TEAD4: variants seen among roughly 807,000 people sequenced by gnomAD.
TEAD4 encodes transcriptional enhancer factor TEF-3.
A neutral mutation model predicts 52.4 loss-of-function variants in TEAD4; 36 were observed. The ratio of observed to expected loss-of-function variants is 0.69; its 90% CI spans 0.53 to 0.91. The LOEUF (loss-of-function observed/expected upper bound fraction) is 0.91, where lower values mean the gene tolerates loss of function less well. TEAD4 is among the 40% of genes least tolerant of loss of function. The pLI is 0.00. For synonymous variants in TEAD4, 220 were observed against 231.0 expected, an observed-to-expected ratio of 0.95 and a Z score of 0.43; for missense variants, 508 against 583.9, an observed-to-expected ratio of 0.87 and a Z score of 1.34.
intron 2 of TEAD4, among the ~76,000 whole-genome samples, chr12:2,966,851 C>CG (rs2098220800): frequency 6.6e-6 from 1 of 152,134 alleles, no homozygotes; most frequent in Admixed American, 6.5e-5. Flanking sequence ...GGATTACAGG[C>CG]ACCTGCCACC....
At chr12:3,040,290 A>T in intron 12 of TEAD4, 31 bp downstream of exon 12, 4 of 1,613,006 alleles carry the variant, frequency 2.5e-6, no homozygotes, top group Non-Finnish European at 2.5e-6. Context: ...GTGTGGCTGG[A>T]GTCTGTGTGT....
intron 3 of TEAD4, among the ~76,000 whole-genome samples, chr12:3,009,041 T>C (rs1230862805): frequency 6.6e-6 from 1 of 152,124 alleles, no homozygotes; most frequent in Non-Finnish European, 1.5e-5. Flanking sequence ...AGCCACAGAG[T>C]GTTCTCACTG....
At chr12:3,006,641 G>T (rs12296242) in intron 3 of TEAD4, among the ~76,000 whole-genome samples, 1 of 151,152 alleles carries the variant, frequency 6.6e-6, no homozygotes, top group African/African-American at 2.4e-5. Flanking sequence ...CCAAGATCGC[G>T]CCATTTCACT....
Position 3,040,365 on chromosome 12 carries a change from G to A in TEAD4, c.1192G>A (p.Val398Met). The A allele has an allele frequency of 6.2e-7, 1 of 1,614,200 alleles. No individual in the cohort carries two copies. Among genetic ancestry groups the A allele is most frequent in the Non-Finnish European group, 8.5e-7 (1 of 1,180,042 alleles). ...ACCCTTGTCTTTTTCTCTCCCACAG[G>A]TGGTCACCAACAGAGACACACAGGA... The change falls in exon 13 of 13, where the codon GTG becomes ATG. Residue 398 changes from valine (V) to methionine (M), a missense_variant and splice_region_variant. Physicochemically the swap from Val to Met is conservative, Grantham distance 21. Coordinates refer to ENST00000359864, the MANE Select transcript of TEAD4 (RefSeq NM_003213.4).
intron 2 of TEAD4, among the ~76,000 whole-genome samples, chr12:2,979,247 T>C (rs1214863080): frequency 6.6e-6 from 1 of 152,204 alleles, no homozygotes; most frequent in Admixed American, 6.5e-5. Flanking sequence ...TCATCCTCCA[T>C]TACCTGGATG....
chr12:2,962,816 A>C (rs1197485871), intron 2 of TEAD4, among the ~76,000 whole-genome samples: 2 of 152,188 alleles, frequency 1.3e-5, no homozygotes, highest in South Asian at 2.1e-4. Flanking sequence ...GAGGGACAGT[A>C]ACTTGCTTAA....
chr12:3,035,452 A>C (rs1170026887), intron 10 of TEAD4, among the ~76,000 whole-genome samples: 1 of 152,210 alleles, frequency 6.6e-6, no homozygotes, highest in Non-Finnish European at 1.5e-5. Flanking sequence ...TCCTGAGCAC[A>C]CAAACTGTCC....
chr12:3,034,191 A>C (rs1217495526), intron 10 of TEAD4, among the ~76,000 whole-genome samples: 17 of 146,668 alleles, frequency 1.2e-4, no homozygotes, highest in Non-Finnish European at 8.8e-5. Context: ...TGGGCACCTG[A>C]GCGATGGGAA....
In TEAD4 at chr12:3,034,142, C is replaced by T. The variant is rs373915272; in HGVS notation, c.898-3826C>T. ...GAAACAATGTCTCAACCTCTCTGGGCCCCCCTGCCTCTAGCACTGCTGGCC... is the reference window on the plus strand; with the variant it reads ...GAAACAATGTCTCAACCTCTCTGGGTCCCCCTGCCTCTAGCACTGCTGGCC... On this transcript the variant is annotated intron_variant, in intron 10 of 12. Coordinates refer to ENST00000359864, the MANE Select transcript of TEAD4 (RefSeq NM_003213.4). Among the ~76,000 whole-genome samples the T allele has an allele frequency of 7.3e-4, 108 of 147,564 alleles. 5 individuals carry two copies. Among genetic ancestry groups the T allele is most frequent in the African/African-American group, 2.8e-3 (105 of 37,166 alleles).
chr12:3,012,098 G>C, intron 4 of TEAD4, 72 bp from the exon 5 acceptor site: 1 of 1,526,622 alleles, frequency 6.6e-7, no homozygotes. Flanking sequence ...TGGAGGGCGA[G>C]AGTCAGGAAG....
chr12:2,962,163 C>A (rs1003278891), intron 2 of TEAD4, among the ~76,000 whole-genome samples: 1 of 149,198 alleles, frequency 6.7e-6, no homozygotes, highest in East Asian at 1.9e-4. Context: ...CTCGCTCTGT[C>A]GCCTAGGCAG....
intron 2 of TEAD4, among the ~76,000 whole-genome samples, chr12:2,986,217 C>G (rs2098238372): frequency 6.6e-6 from 1 of 152,220 alleles, no homozygotes; most frequent in Admixed American, 6.5e-5. Flanking sequence ...GCGTTTGGGG[C>G]AGTAACTCGC....
At position 2,973,175 on chromosome 12, in the gene TEAD4, G is replaced by A. The variant is rs532083812; in HGVS notation, c.-30+13135G>A. ...CAGCCTTGACCACCCAGGCTCAAGTGTCCCTCCCACCTCAGCCTCTTGAGT... is the reference window on the plus strand; with the variant it reads ...CAGCCTTGACCACCCAGGCTCAAGTATCCCTCCCACCTCAGCCTCTTGAGT... On this transcript the variant is annotated intron_variant, in intron 2 of 12. Transcript: ENST00000359864. Among the ~76,000 whole-genome samples, 4 of 152,284 alleles carry A rather than the reference G, an allele frequency of 2.6e-5. No homozygotes were observed. In the South Asian group the frequency reaches 8.3e-4, roughly 32 times the overall value.
At chr12:2,962,905 A>T (rs1362809298) in intron 2 of TEAD4, among the ~76,000 whole-genome samples, 1 of 152,034 alleles carries the variant, frequency 6.6e-6, no homozygotes, top group Non-Finnish European at 1.5e-5. Context: ...TGCCCTGTGG[A>T]TTGCAGTGCT....
rs199786382 is a variant in TEAD4 at position 3,013,111 on chromosome 12, G to T, written c.354+879G>T. Reference sequence around the variant, plus strand: ...GGACCACAGGCAAGTGCCACTGCACGGCCATTTTTTTCTATTTTTTTATAG... The same window carrying T: ...GGACCACAGGCAAGTGCCACTGCACTGCCATTTTTTTCTATTTTTTTATAG... On this transcript the variant is annotated intron_variant, in intron 5 of 12. Coordinates refer to ENST00000359864, the MANE Select transcript of TEAD4 (RefSeq NM_003213.4). 2.6e-5 allele frequency among the ~76,000 whole-genome samples: 4 copies of T among 151,966 alleles called. No individual in the cohort carries two copies. In the East Asian group the frequency reaches 7.7e-4, roughly 29 times the overall value.
intron 10 of TEAD4, among the ~76,000 whole-genome samples, chr12:3,033,363 G>T (rs1313293341): frequency 2.0e-5 from 3 of 152,226 alleles, no homozygotes; most frequent in South Asian, 4.1e-4. Context: ...GGCCTGGAGC[G>T]AGGGACTGAT....
At chr12:3,001,773 T>C (rs1295422776) in intron 3 of TEAD4, among the ~76,000 whole-genome samples, 1 of 143,734 alleles carries the variant, frequency 7.0e-6, no homozygotes, top group African/African-American at 2.7e-5. Context: ...CGAGACTCTG[T>C]CTCAAAAAAA....
chr12:3,009,655 C>T (rs758881174), intron 3 of TEAD4, among the ~76,000 whole-genome samples: 3 of 152,130 alleles, frequency 2.0e-5, no homozygotes, highest in Admixed American at 6.5e-5. Context: ...AACTGTCGAC[C>T]GTTCACTGGA....
At chr12:2,997,769 C>G (rs2153955618) in intron 3 of TEAD4, among the ~76,000 whole-genome samples, 1 of 150,368 alleles carries the variant, frequency 6.7e-6, no homozygotes, top group Admixed American at 6.6e-5. Flanking sequence ...GAGTTGAGCA[C>G]CCCTGGGGAC....
Sources: allele counts gnomAD v4.1 joint callset (sites outside exome capture counted in the v4.1 genomes callset), GRCh38; gene constraint gnomAD v4.1.1; transcripts MANE v1.5; gene names NCBI Gene and HGNC (gene_info 2026-07-23, HGNC 2026-07-21).